The following EHBP1 variants were observed in gnomAD, a reference collection of about 807,000 sequenced individuals.
The protein encoded by EHBP1 is EH domain binding protein 1.
EHBP1 carries 55 observed loss-of-function variants against 144.0 expected under a neutral mutation model. That is an observed-to-expected ratio of 0.38 (90% confidence interval 0.31 to 0.48). The LOEUF (loss-of-function observed/expected upper bound fraction) is 0.48, where lower values mean the gene tolerates loss of function less well. Ranked by LOEUF, EHBP1 falls within the 20% of genes least tolerant of loss-of-function variation. EHBP1 has a pLI of 0.98. For missense variants in EHBP1, 1,200 were observed against 1,364.2 expected (o/e 0.88, Z 1.90); for synonymous variants, 469 against 472.7 (o/e 0.99, Z 0.10).
At chr2:62,838,460 A>G (rs2047488816) in intron 7 of EHBP1, among the ~76,000 whole-genome samples, 1 of 152,134 alleles carries the variant, frequency 6.6e-6, no homozygotes, top group South Asian at 2.1e-4. Flanking sequence ...CACATTCAAA[A>G]GCTAGCAGAA....
intron 10 of EHBP1, among the ~76,000 whole-genome samples, chr2:62,919,695 A>G (rs935543227): frequency 6.6e-6 from 1 of 152,198 alleles, no homozygotes; most frequent in Non-Finnish European, 1.5e-5. Context: ...AGAAAGATCT[A>G]ATGTCAGATC....
chr2:63,007,977 T>A (rs957662630), intron 19 of EHBP1, among the ~76,000 whole-genome samples: 1 of 151,710 alleles, frequency 6.6e-6, no homozygotes, highest in African/African-American at 2.4e-5. Context: ...CTCCCCCATA[T>A]GTGCAGTGGT....
intron 10 of EHBP1, among the ~76,000 whole-genome samples, chr2:62,892,552 GAT>G (rs1376714374): frequency 1.3e-5 from 2 of 152,008 alleles, no homozygotes; most frequent in African/African-American, 4.8e-5. Flanking sequence ...TTTTCATACA[GAT>G]GTGAAAAAAT....
intron 14 of EHBP1, among the ~76,000 whole-genome samples, chr2:62,964,265 C>T (rs1485838821): frequency 1.3e-5 from 2 of 152,086 alleles, no homozygotes; most frequent in Non-Finnish European, 2.9e-5. Flanking sequence ...TTTGAGGTTG[C>T]CATGAATGCA....
At chr2:62,892,178 G>A (rs1284685033) in intron 10 of EHBP1, among the ~76,000 whole-genome samples, 1 of 152,094 alleles carries the variant, frequency 6.6e-6, no homozygotes, top group East Asian at 1.9e-4. Context: ...GTAACCATTT[G>A]GATAAAGATA....
chr2:62,855,348 C>T (rs562692664), intron 7 of EHBP1, among the ~76,000 whole-genome samples: 27 of 152,296 alleles, frequency 1.8e-4, no homozygotes, highest in African/African-American at 5.3e-4. Flanking sequence ...CACCGATGAG[C>T]ATAGGAGGGG....
chr2:62,737,603 G>A (rs1377766330), intron 2 of EHBP1, among the ~76,000 whole-genome samples: 1 of 152,102 alleles, frequency 6.6e-6, no homozygotes, highest in Non-Finnish European at 1.5e-5. Flanking sequence ...ATTTCAGCTT[G>A]TTCAGCTTTT....
chr2:63,023,533 C>T (rs1191847537), intron 19 of EHBP1, among the ~76,000 whole-genome samples: 1 of 152,218 alleles, frequency 6.6e-6, no homozygotes, highest in Non-Finnish European at 1.5e-5. Context: ...AAACATCTGG[C>T]TTGTCAGTGT....
At chr2:62,689,380 C>T (rs762767923) in intron 1 of EHBP1, among the ~76,000 whole-genome samples, 6 of 152,318 alleles carry the variant, frequency 3.9e-5, no homozygotes, top group South Asian at 2.1e-4. Context: ...TGGTGGCTCA[C>T]GCCTGTAATT....
chr2:62,896,810 A>G (rs991985349), intron 10 of EHBP1, among the ~76,000 whole-genome samples: 22 of 152,060 alleles, frequency 1.4e-4, no homozygotes, highest in Admixed American at 8.5e-4. Flanking sequence ...TCTACTCCAA[A>G]CAGGCTTTTC....
intron 5 of EHBP1, among the ~76,000 whole-genome samples, chr2:62,785,739 C>G (rs1227371295): frequency 6.6e-6 from 1 of 151,672 alleles, no homozygotes; most frequent in Non-Finnish European, 1.5e-5. Context: ...CCTACTTTTT[C>G]TTACATTGGT....
intron 2 of EHBP1, among the ~76,000 whole-genome samples, chr2:62,745,200 A>G (rs1055628597): frequency 1.3e-5 from 2 of 152,136 alleles, no homozygotes; most frequent in African/African-American, 4.8e-5. Context: ...CTTGTACTAG[A>G]TTATTAGTTG....
intron 13 of EHBP1, among the ~76,000 whole-genome samples, chr2:62,951,319 T>G (rs1452254206): frequency 6.6e-6 from 1 of 152,072 alleles, no homozygotes; most frequent in Non-Finnish European, 1.5e-5. Context: ...ATCTTAGAAT[T>G]AAAGAAATAT....
intron 3 of EHBP1, among the ~76,000 whole-genome samples, chr2:62,752,370 AC>A (rs1232585690): frequency 6.6e-6 from 1 of 152,114 alleles, no homozygotes; most frequent in Non-Finnish European, 1.5e-5. Context: ...CTGTTCTTTT[AC>A]ATTTGCTGAG....
intron 21 of EHBP1, among the ~76,000 whole-genome samples, chr2:63,039,993 AG>A (rs1290830859): frequency 2.0e-5 from 3 of 152,168 alleles, no homozygotes; most frequent in African/African-American, 7.2e-5. Context: ...AAATTATTTA[AG>A]AAGTTCTGTG....
chr2:62,697,670 C>A lies in EHBP1; in HGVS notation c.-295-9227C>A, dbSNP rs372952992. ...CCAATACCTACCAGAATGCTTTGAC[C>A]TTAATAATTATTCACTGAATATTTC... On this transcript the variant is annotated intron_variant, in intron 1 of 22. Transcript: ENST00000405015. Among the ~76,000 whole-genome samples, 3 of 152,094 alleles carry A rather than the reference C, an allele frequency of 2.0e-5. No individual in the cohort carries two copies. In the East Asian group the frequency reaches 5.8e-4, roughly 29 times the overall value.
At chr2:62,748,190 C>A (rs558668505) in intron 3 of EHBP1, among the ~76,000 whole-genome samples, 2 of 152,020 alleles carry the variant, frequency 1.3e-5, no homozygotes, top group African/African-American at 2.4e-5. Context: ...TACAAGATGA[C>A]GAAGTTAGGG....
intron 5 of EHBP1, among the ~76,000 whole-genome samples, chr2:62,807,323 G>A (rs373891489): frequency 6.6e-5 from 10 of 152,330 alleles, no homozygotes; most frequent in African/African-American, 2.2e-4. Flanking sequence ...TGAGGCAGGC[G>A]GATCACCTGA....
intron 7 of EHBP1, among the ~76,000 whole-genome samples, chr2:62,855,364 A>T (rs902309876): frequency 2.6e-5 from 4 of 152,132 alleles, no homozygotes; most frequent in African/African-American, 9.7e-5. Flanking sequence ...AGGGGAGCTG[A>T]TGGGTGGCTG....
Sources: allele counts gnomAD v4.1 joint callset (sites outside exome capture counted in the v4.1 genomes callset), GRCh38; gene constraint gnomAD v4.1.1; transcripts MANE v1.5; gene names NCBI Gene and HGNC (gene_info 2026-07-23, HGNC 2026-07-21).